The following FBN3 variants were observed in gnomAD, a reference collection of about 807,000 sequenced individuals.
The protein encoded by FBN3 is fibrillin 3.
In FBN3, 234 loss-of-function variants were observed where a neutral mutation model predicts 330.1. The ratio of observed to expected loss-of-function variants is 0.71; its 90% CI spans 0.64 to 0.79. The LOEUF (loss-of-function observed/expected upper bound fraction) is 0.79, where lower values mean the gene tolerates loss of function less well. Among genes scored for constraint, FBN3 ranks in the 30% least tolerant of loss-of-function variants. FBN3 has a pLI of 0.00. For missense variants in FBN3, 3,606 were observed against 3,886.9 expected (o/e 0.93, Z 1.92); for synonymous variants, 1,458 against 1,517.3 (o/e 0.96, Z 0.91).
At chr19:8,090,273 AC>A (rs2082064942) in intron 48 of FBN3, 22 bp from the exon 49 acceptor site, 5 of 1,612,546 alleles carry the variant, frequency 3.1e-6, no homozygotes, top group Non-Finnish European at 4.2e-6. Flanking sequence ...GGGCTCCATT[AC>A]CCTGATTGAA....
rs558440722 is a variant in FBN3 at position 8,066,188 on chromosome 19, C to T, written c.8161G>A (p.Glu2721Lys). 2.4e-5 allele frequency: 39 copies of T among 1,611,150 alleles called. No individual in the cohort carries two copies. The African/African-American group carries it at 2.9e-4, about 12-fold the overall frequency. ...GLNLSHLGRA[E>K]RILELRPALE... ...GCCGGCCGGAGCTCCAGGATGCGCT[C>T]GGCCCGGCCCAGGTGTGAGAGGTTC... Residue 2721 changes from glutamate to lysine, a missense_variant, in exon 64 of 64, where the codon GAG becomes AAG. Glu to Lys is a moderately conservative substitution (Grantham distance 56, BLOSUM62 1). Coordinates refer to ENST00000600128, the MANE Select transcript of FBN3 (RefSeq NM_032447.5).
At chr19:8,069,588 C>T (rs1297975276) in intron 63 of FBN3, among the ~76,000 whole-genome samples, 2 of 152,102 alleles carry the variant, frequency 1.3e-5, no homozygotes, top group Non-Finnish European at 2.9e-5. Flanking sequence ...GGCAAAGGCA[C>T]AATACAGCCC....
Position 8,086,217 on chromosome 19 carries a change from G to A in FBN3, c.6863C>T (p.Thr2288Ile). Residue 2288 changes from threonine to isoleucine, a missense_variant, in exon 55 of 64, where the codon ACC becomes ATC. Thr to Ile is a moderately conservative substitution (Grantham distance 89). Transcript: ENST00000600128. Reference sequence around the variant, plus strand: ...ACACTCACCGTGGCACTCGGTAAGGGTGGGGCTGGGCTGGAATCCCTCATC... The same window carrying A: ...ACACTCACCGTGGCACTCGGTAAGGATGGGGCTGGGCTGGAATCCCTCATC... ...DCDEGFQPSPTLTECHDIRQG... is the reference protein window; with the variant it reads ...DCDEGFQPSPILTECHDIRQG... The A allele has an allele frequency of 6.2e-7, 1 of 1,609,604 alleles. No individual in the cohort carries two copies. Among genetic ancestry groups the A allele is most frequent in the Non-Finnish European group, 8.5e-7 (1 of 1,177,576 alleles).
Position 8,109,759 on chromosome 19 carries a change from G to C in FBN3, c.4334-6C>G, listed in dbSNP as rs139666257. ...GTCTGCACACTCGTTGATGTCTGTA[G>C]GGAGGAAGCGCGGTCCTCAGCAGGG... is the stretch of plus-strand genomic sequence containing the variant. On this transcript the variant is annotated splice_polypyrimidine_tract_variant and splice_region_variant and intron_variant, in intron 34 of 63. Coordinates refer to ENST00000600128, the MANE Select transcript of FBN3 (RefSeq NM_032447.5). The surrounding 1 kb of genome is among the most constrained non-coding windows in gnomAD (Gnocchi z 5.2). The C allele has an allele frequency of 9.5e-5, 142 of 1,489,334 alleles. No individual in the cohort carries two copies. The African/African-American group carries it at 1.8e-3, about 19-fold the overall frequency. 92.3% of individuals were successfully genotyped at this position (1,489,334 alleles called of 1,614,324 possible). A position where few individuals can be genotyped will look rare whatever the true frequency, so the allele number is the denominator to read the frequency against.
At position 8,081,037 on chromosome 19, in the gene FBN3, C is replaced by T. The variant is rs2303168; in HGVS notation, c.7419G>A (p.Pro2473=). The part of the protein sequence containing the change: ...NTVGAFTCRC[P]PGFTQHHQAC... ...CCTGGTGGTGCTGGGTGAAGCCGGG[C>T]GGACAGCGGCAGGTGAAGGCGCCCA... Residue 2473 remains proline, a synonymous_variant, in exon 59 of 64, where the codon CCG becomes CCA. Transcript: ENST00000600128. The T allele has an allele frequency of 0.55, 886,786 of 1,611,804 alleles. 249,775 individuals are homozygous for T. The highest frequency in any genetic ancestry group is 0.81 in the African/African-American group (60,337 of 74,952).
Position 8,066,230 on chromosome 19 carries a change from G to C in FBN3, c.8119C>G (p.Leu2707Val). 2 of 1,585,226 alleles carry C rather than the reference G, an allele frequency of 1.3e-6. No homozygotes were observed. Among genetic ancestry groups the C allele is most frequent in the Non-Finnish European group, 1.7e-6 (2 of 1,162,878 alleles). ...GAGAGGTTCAGGCCCAAGGTCAGCAGGGCCTCGGAGTCAAGGGTGGCCAGG... is the reference window on the plus strand; with the variant it reads ...GAGAGGTTCAGGCCCAAGGTCAGCACGGCCTCGGAGTCAAGGGTGGCCAGG... ...VNLATLDSEA[L>V]LTLGLNLSHL... The change falls in exon 64 of 64, where the codon CTG (leucine) becomes GTG (valine). Residue 2707 changes from leucine to valine, a missense_variant. By Grantham distance (32) the Leu-to-Val change is conservative (BLOSUM62 1). Coordinates refer to ENST00000600128, the MANE Select transcript of FBN3 (RefSeq NM_032447.5).
rs751432801 is a variant in FBN3, at chr19:8,126,835, G to C, written c.2297-3C>G. 6.5e-6 allele frequency: 10 copies of C among 1,547,146 alleles called. No homozygotes were observed. The East Asian group carries it at 2.3e-4, about 35-fold the overall frequency. ...GCTGGACAGGCATTCGTCGACATCT[G>C]TGGGGACAGCCCCCCACCAGGTCCT... is the stretch of plus-strand genomic sequence containing the variant. On this transcript the variant is annotated splice_polypyrimidine_tract_variant and splice_region_variant and intron_variant, in intron 18 of 63. Coordinates refer to ENST00000600128, the MANE Select transcript of FBN3 (RefSeq NM_032447.5).
chr19:8,097,513 G>A (rs1463406660), intron 41 of FBN3, 99 bp from the exon 42 acceptor site: 14 of 1,352,810 alleles, frequency 1.0e-5, no homozygotes, highest in African/African-American at 5.7e-5. Context: ...GGTTGAGGCT[G>A]TTGTGGCCAC....
Position 8,096,393 on chromosome 19 carries a change from T to C in FBN3, c.5539+51A>G, listed in dbSNP as rs1315834158. On this transcript the variant is annotated intron_variant, in intron 44 of 63. Coordinates refer to ENST00000600128, the MANE Select transcript of FBN3 (RefSeq NM_032447.5). This position sits in a 1 kb window ranked among gnomAD's most constrained non-coding sequence, Gnocchi z 4.6. ...CACCACTTCCATCCCAGGGGAGGTT[T>C]AGACCCCAGGCAGCCTGGCTTGAAA... is the stretch of plus-strand genomic sequence containing the variant. 10 of 1,586,872 alleles carry C rather than the reference T, an allele frequency of 6.3e-6. No homozygotes were observed. The highest frequency in any genetic ancestry group is 1.7e-4 in the Middle Eastern group (1 of 5,962).
intron 62 of FBN3, among the ~76,000 whole-genome samples, chr19:8,072,594 T>C (rs868700470): frequency 6.6e-6 from 1 of 151,926 alleles, no homozygotes; most frequent in African/African-American, 2.4e-5. Flanking sequence ...GTGTGTATAG[T>C]GTGAGCACTC....
In FBN3 at chr19:8,125,900, A is replaced by C; in HGVS notation, c.2723T>G (p.Leu908Arg). The C allele has an allele frequency of 6.2e-7, 1 of 1,612,166 alleles. No homozygotes were observed. Among genetic ancestry groups the C allele is most frequent in the East Asian group, 2.2e-5 (1 of 44,856 alleles). The change falls in exon 22 of 64, where the codon CTG (leucine) becomes CGG (arginine). Residue 908 changes from leucine (L) to arginine (R), a missense_variant. Physicochemically the swap from Leu to Arg is moderately radical, Grantham distance 102 (BLOSUM62 -2). Coordinates refer to ENST00000600128, the MANE Select transcript of FBN3 (RefSeq NM_032447.5). ...ACCTCGCCTGGACTCACCCACGCAC[A>C]GCCGGCCTGAGGCGTCCAGCATCAG... ...EGLMLDASGR[L>R]CVDVRLEPCF...
rs760891992 is a variant in FBN3, at chr19:8,123,823, C to T, written c.2917G>A (p.Ala973Thr). The change falls in exon 23 of 64, where the codon GCC becomes ACC. Residue 973 changes from alanine (A) to threonine (T), a missense_variant. By Grantham distance (58) the Ala-to-Thr change is moderately conservative. Transcript: ENST00000600128. Reference protein sequence around the residue: ...ASLCPRGLGFASRDFLSGRPF... With the variant: ...ASLCPRGLGFTSRDFLSGRPF... Reference sequence around the variant, plus strand: ...CGGCCAGACAGGAAGTCCCGGCTGGCGAAGCCCAGCCCCCGCGGGCACAGG... The same window carrying T: ...CGGCCAGACAGGAAGTCCCGGCTGGTGAAGCCCAGCCCCCGCGGGCACAGG... 39 of 1,612,448 alleles carry T rather than the reference C, an allele frequency of 2.4e-5. No homozygotes were observed. Among genetic ancestry groups the T allele is most frequent in the African/African-American group, 2.0e-4 (15 of 74,912 alleles).
chr19:8,116,317 C>T (rs1251696317), intron 29 of FBN3, among the ~76,000 whole-genome samples: 1 of 152,132 alleles, frequency 6.6e-6, no homozygotes, highest in Non-Finnish European at 1.5e-5. Context: ...CTGTCCTCTG[C>T]CAGAAACCCC....
intron 23 of FBN3, 73 bp downstream of exon 23, chr19:8,123,711 C>G: frequency 6.3e-7 from 1 of 1,594,882 alleles, no homozygotes; most frequent in Non-Finnish European, 8.6e-7. Flanking sequence ...AACACACTTC[C>G]CATCTCCAGG....
At chr19:8,105,488 C>T (rs905443069) in intron 38 of FBN3, among the ~76,000 whole-genome samples, 3 of 152,008 alleles carry the variant, frequency 2.0e-5, no homozygotes, top group African/African-American at 7.3e-5. Context: ...AAACTCCTGG[C>T]CTCAAGCAAT....
rs756579395 is a variant in FBN3 at position 8,123,505 on chromosome 19, G to T, written c.3041C>A (p.Ala1014Glu). Residue 1014 changes from alanine to glutamate, a missense_variant, in exon 24 of 64, where the codon GCG (alanine) becomes GAG (glutamate). Coordinates refer to ENST00000600128, the MANE Select transcript of FBN3 (RefSeq NM_032447.5). ...CTGGGCATCCAGGGCGAAGCCCCCC[G>T]CACAGGCGCAGTGGAAGCTGCCCAC... ...NTVGSFHCAC[A>E]GGFALDAQER... 3.1e-6 allele frequency: 5 copies of T among 1,613,936 alleles called. No individual in the cohort carries two copies. In the Admixed American group the frequency reaches 5.0e-5, roughly 16 times the overall value.
At chr19:8,068,256 T>C (rs990731363) in intron 63 of FBN3, among the ~76,000 whole-genome samples, 5 of 150,792 alleles carry the variant, frequency 3.3e-5, no homozygotes, top group East Asian at 3.9e-4. Flanking sequence ...CTAGGCGTAG[T>C]GTCAGGTGCC....
chr19:8,104,225 G>A (rs1056790350), intron 38 of FBN3, among the ~76,000 whole-genome samples: 2 of 149,844 alleles, frequency 1.3e-5, no homozygotes, highest in South Asian at 4.2e-4. Context: ...TATCATCCCT[G>A]CTTTGGGAGG....
At chr19:8,137,413 C>T (rs1531548) in intron 10 of FBN3, among the ~76,000 whole-genome samples, 34,408 of 151,564 alleles carry the variant, frequency 0.23, 4,369 homozygotes, top group East Asian at 0.44. Context: ...AACCTGGGGC[C>T]TAGATCCCTC....
Sources: gnomAD v4.1 joint callset for allele counts (sites outside exome capture counted in the v4.1 genomes callset) on GRCh38, gnomAD v4.1.1 for gene constraint, Gnocchi (gnomAD v3.1) non-coding constraint, MANE v1.5 for transcripts, NCBI Gene and HGNC (gene_info 2026-07-23, HGNC 2026-07-21) for gene names.